ARID1B: variants seen among roughly 807,000 people sequenced by gnomAD.
The protein encoded by ARID1B is AT-rich interactive domain-containing protein 1B.
Under a neutral mutation model 212.3 loss-of-function variants are expected in ARID1B, and 30 were observed. The ratio of observed to expected loss-of-function variants is 0.14; its 90% CI spans 0.11 to 0.19. The LOEUF (loss-of-function observed/expected upper bound fraction) is 0.19, where lower values mean the gene tolerates loss of function less well. ARID1B is among the 10% of genes least tolerant of loss of function. The probability of loss-of-function intolerance (pLI) is 1.00; values close to 1 mark genes in which losing one functional copy is unlikely to be tolerated. For synonymous variants in ARID1B, 1,402 were observed against 1,301.7 expected, an observed-to-expected ratio of 1.08 and a Z score of -1.66; for missense variants, 2,891 against 3,204.0, an observed-to-expected ratio of 0.90 and a Z score of 2.36.
chr6:156,909,599 T>G (rs1789704779), intron 3 of ARID1B, among the ~76,000 whole-genome samples: 1 of 152,238 alleles, frequency 6.6e-6, no homozygotes, highest in South Asian at 2.1e-4. Flanking sequence ...GATTTGGTTC[T>G]GAAGCCTTTT....
rs1483573359 is a variant in ARID1B, at chr6:156,897,188, GCTA to G, written c.1987-4185_1987-4183del. The stretch of plus-strand genomic sequence containing the variant: ...TGAAGCAAATTCTTCTTTTGCTGCT[GCTA>G]CTGCTGCTGCTGCTGCTGCTGCTGC... On this transcript the variant is annotated intron_variant, in intron 2 of 19. Transcript: ENST00000636930. Among the ~76,000 whole-genome samples, 302 of 137,514 alleles carry G rather than the reference GCTA, an allele frequency of 2.2e-3. 1 individual carries two copies. The highest frequency in any genetic ancestry group is 9.9e-3 in the East Asian group (49 of 4,974). The allele number at this position is 137,514 out of a possible 152,430, so 90.2% of individuals were successfully genotyped here.
chr6:157,013,828 A>G (rs1179802423), intron 4 of ARID1B, among the ~76,000 whole-genome samples: 2 of 152,240 alleles, frequency 1.3e-5, no homozygotes, highest in Non-Finnish European at 2.9e-5. Context: ...GCAAGAATCA[A>G]TTAAAGGAGT....
At chr6:157,152,970 T>G (rs1423401548) in intron 8 of ARID1B, among the ~76,000 whole-genome samples, 1 of 152,142 alleles carries the variant, frequency 6.6e-6, no homozygotes, top group Non-Finnish European at 1.5e-5. Flanking sequence ...ATGATGAAGG[T>G]GGAGCGTGAG....
At chr6:157,072,477 G>A (rs528040116) in intron 4 of ARID1B, 2 of 152,110 alleles carry the variant, frequency 1.3e-5, no homozygotes, top group Admixed American at 6.5e-5. Flanking sequence ...GTATAAATAA[G>A]CCTGCATGCT....
chr6:157,163,484 T>C (rs1791092911), intron 8 of ARID1B, among the ~76,000 whole-genome samples: 1 of 152,142 alleles, frequency 6.6e-6, no homozygotes, highest in Non-Finnish European at 1.5e-5. Context: ...TTACCAAGAC[T>C]CTTGGCAGTA....
At chr6:157,167,272 C>T (rs1337669656) in intron 9 of ARID1B, 87 bp downstream of exon 9, 4 of 1,464,540 alleles carry the variant, frequency 2.7e-6, no homozygotes, top group South Asian at 1.4e-5. Flanking sequence ...CTAAACGGCC[C>T]GAGAAGGTGG....
intron 6 of ARID1B, among the ~76,000 whole-genome samples, chr6:157,123,318 C>T (rs1787905268): frequency 6.7e-6 from 1 of 149,106 alleles, no homozygotes; most frequent in Admixed American, 6.8e-5. Flanking sequence ...TTAGGCCGCC[C>T]AGAGCTAATC....
chr6:157,067,843 A>C (rs1185755769), intron 4 of ARID1B, among the ~76,000 whole-genome samples: 1 of 152,032 alleles, frequency 6.6e-6, no homozygotes, highest in African/African-American at 2.4e-5. Flanking sequence ...GCCATATGTA[A>C]TTGCAGAGTG....
In ARID1B at chr6:156,778,890, G is replaced by A. The variant is rs1778923192; in HGVS notation, c.1210G>A (p.Gly404Arg). ...GGGGGGGGGS[G>R]GGGGGGGAGA... ...CGGCGGCGGAGGAGGAGGAGGCAGC[G>A]GAGGAGGAGGAGGAGGAGGAGGAGC... The change falls in exon 1 of 20, where the codon GGA (glycine) becomes AGA (arginine). Residue 404 changes from glycine (G) to arginine (R), a missense_variant. By Grantham distance (125) the Gly-to-Arg change is moderately radical. Transcript: ENST00000636930. The A allele has an allele frequency of 3.4e-6, 4 of 1,192,220 alleles. No individual in the cohort carries two copies. Among genetic ancestry groups the A allele is most frequent in the African/African-American group, 3.4e-5 (2 of 59,466 alleles). 73.9% of individuals were successfully genotyped at this position (1,192,220 alleles called of 1,614,324 possible).
rs563702885 is a variant in ARID1B, at chr6:157,059,742, C to T, written c.2248-24920C>T. On this transcript the variant is annotated intron_variant, in intron 4 of 19. Coordinates refer to ENST00000636930, the MANE Select transcript of ARID1B (RefSeq NM_001374828.1). ...GTGGGCTCTAAAGCTCCTGCCTGGC[C>T]TGGGAAACATTTTGTGAGGGAGAGA... Among the ~76,000 whole-genome samples the T allele has an allele frequency of 5.3e-5, 8 of 152,240 alleles. No homozygotes were observed. In the South Asian group the frequency reaches 1.7e-3, roughly 32 times the overall value.
intron 4 of ARID1B, among the ~76,000 whole-genome samples, chr6:157,045,103 G>T (rs956767790): frequency 6.6e-6 from 1 of 152,182 alleles, no homozygotes; most frequent in African/African-American, 2.4e-5. Context: ...AAGCAGAGGG[G>T]ATGTTCTGCT....
chr6:156,996,087 T>C (rs145089576), intron 4 of ARID1B, among the ~76,000 whole-genome samples: 12 of 152,330 alleles, frequency 7.9e-5, no homozygotes, highest in Admixed American at 2.0e-4. Flanking sequence ...CTGTAGCAAA[T>C]TCAAGCACTG....
intron 3 of ARID1B, among the ~76,000 whole-genome samples, chr6:156,913,070 G>T (rs1790029660): frequency 2.1e-5 from 3 of 139,820 alleles, no homozygotes; most frequent in African/African-American, 5.3e-5. Context: ...AAAATTGTAT[G>T]TATTTACTGT....
intron 13 of ARID1B, chr6:157,186,564 G>T (rs113232635): frequency 2.1e-6 from 1 of 470,026 alleles, no homozygotes; most frequent in Non-Finnish European, 4.4e-6. Flanking sequence ...CCCATCATTA[G>T]GGAAAGTGTC....
intron 2 of ARID1B, among the ~76,000 whole-genome samples, chr6:156,840,746 T>C (rs1212571933): frequency 2.0e-5 from 3 of 150,128 alleles, no homozygotes; most frequent in Non-Finnish European, 3.0e-5. Flanking sequence ...CCTGAGAGAT[T>C]GTTCTAGCTG....
intron 7 of ARID1B, among the ~76,000 whole-genome samples, chr6:157,145,435 C>T (rs1789655068): frequency 6.6e-6 from 1 of 152,166 alleles, no homozygotes; most frequent in Admixed American, 6.5e-5. Flanking sequence ...TGACAAAAAG[C>T]GTGCCTGCCC....
At chr6:157,130,628 G>A (rs952412412) in intron 6 of ARID1B, among the ~76,000 whole-genome samples, 1 of 152,122 alleles carries the variant, frequency 6.6e-6, no homozygotes, top group Admixed American at 6.5e-5. Flanking sequence ...TTTATTTTAT[G>A]TCTATCTCTT....
At chr6:156,886,381 A>G (rs1228474969) in intron 2 of ARID1B, among the ~76,000 whole-genome samples, 1 of 152,146 alleles carries the variant, frequency 6.6e-6, no homozygotes, top group African/African-American at 2.4e-5. Flanking sequence ...TTTAAAACTT[A>G]AAGAAATGTG....
intron 4 of ARID1B, among the ~76,000 whole-genome samples, chr6:156,998,540 G>A (rs1194096344): frequency 6.6e-6 from 1 of 152,144 alleles, no homozygotes; most frequent in East Asian, 1.9e-4. Context: ...TCTTTTGAAA[G>A]AAGTTGAGAA....
Sources: allele counts gnomAD v4.1 joint callset (sites outside exome capture counted in the v4.1 genomes callset), GRCh38; gene constraint gnomAD v4.1.1; transcripts MANE v1.5; gene names NCBI Gene and HGNC (gene_info 2026-07-23, HGNC 2026-07-21).